LRMDA: variants seen among roughly 807,000 people sequenced by gnomAD.
The protein encoded by LRMDA is leucine-rich melanocyte differentiation-associated protein.
Under a neutral mutation model 29.8 loss-of-function variants are expected in LRMDA, and 18 were observed. That is an observed-to-expected ratio of 0.60 (90% CI 0.42 to 0.90). The LOEUF (loss-of-function observed/expected upper bound fraction) is 0.90, where lower values mean the gene tolerates loss of function less well. LRMDA is among the 40% of genes least tolerant of loss of function. LRMDA has a pLI of 0.00. For missense variants in LRMDA, 273 were observed against 273.9 expected (o/e 1.00, Z 0.02); for synonymous variants, 125 against 109.4 (o/e 1.14, Z -0.89).
intron 2 of LRMDA, among the ~76,000 whole-genome samples, chr10:75,457,850 C>T (rs1176179201): frequency 6.6e-6 from 1 of 152,168 alleles, no homozygotes; most frequent in Admixed American, 6.5e-5. Context: ...CTTTAAATCA[C>T]TAACACTACA....
chr10:76,097,862 G>A lies in LRMDA; in HGVS notation c.516+39079G>A, dbSNP rs181474163. Among the ~76,000 whole-genome samples the A allele has an allele frequency of 2.3e-3, 351 of 152,038 alleles. 1 individual carries two copies. Among genetic ancestry groups the A allele is most frequent in the African/African-American group, 8.0e-3 (334 of 41,496 alleles). On this transcript the variant is annotated intron_variant, in intron 5 of 6. Coordinates refer to ENST00000611255, the MANE Select transcript of LRMDA (RefSeq NM_001305581.2). The stretch of plus-strand genomic sequence containing the variant: ...TTTTAATTTTAAACTGATACTAATT[G>A]TACTTATTCATGTGATACTTTGTGA...
At chr10:75,736,820 C>A (rs1052282306) in intron 2 of LRMDA, among the ~76,000 whole-genome samples, 1 of 152,074 alleles carries the variant, frequency 6.6e-6, no homozygotes, top group Non-Finnish European at 1.5e-5. Flanking sequence ...AGCAAACCTC[C>A]CCCTTCAATA....
At chr10:76,011,916 A>T (rs891042603) in intron 2 of LRMDA, among the ~76,000 whole-genome samples, 3 of 152,170 alleles carry the variant, frequency 2.0e-5, no homozygotes, top group African/African-American at 7.2e-5. Context: ...AGGTGAGGGC[A>T]AGCCATGCTG....
chr10:76,321,017 GT>G (rs1489024262), intron 5 of LRMDA, among the ~76,000 whole-genome samples: 5 of 151,800 alleles, frequency 3.3e-5, no homozygotes, highest in African/African-American at 1.2e-4. Context: ...TAGAAATCAG[GT>G]TTTTTTCTCT....
intron 2 of LRMDA, among the ~76,000 whole-genome samples, chr10:75,801,033 C>A (rs992369934): frequency 6.6e-6 from 1 of 152,318 alleles, no homozygotes; most frequent in Non-Finnish European, 1.5e-5. Context: ...TGTCTTCCTT[C>A]AGGAGTTTTC....
At chr10:76,383,979 T>C (rs1484622707) in intron 6 of LRMDA, among the ~76,000 whole-genome samples, 1 of 152,028 alleles carries the variant, frequency 6.6e-6, no homozygotes, top group Non-Finnish European at 1.5e-5. Flanking sequence ...CTCTCTCTCT[T>C]CTCTTTCTCT....
At chr10:75,671,274 T>C (rs1841887840) in intron 2 of LRMDA, among the ~76,000 whole-genome samples, 1 of 152,202 alleles carries the variant, frequency 6.6e-6, no homozygotes, top group South Asian at 2.1e-4. Context: ...TAGGGATATT[T>C]TGGCCCTTAG....
intron 5 of LRMDA, among the ~76,000 whole-genome samples, chr10:76,315,036 G>A (rs1424431202): frequency 2.0e-5 from 3 of 152,164 alleles, no homozygotes; most frequent in Admixed American, 6.5e-5. Context: ...TGAACATCAA[G>A]TTCATTGTAC....
intron 3 of LRMDA, among the ~76,000 whole-genome samples, chr10:76,043,653 C>T (rs1245561476): frequency 6.6e-6 from 1 of 152,042 alleles, no homozygotes; most frequent in Non-Finnish European, 1.5e-5. Flanking sequence ...GACGCATGAG[C>T]TTTATTAGCT....
At chr10:75,637,150 T>G (rs546397214) in intron 2 of LRMDA, among the ~76,000 whole-genome samples, 1 of 152,334 alleles carries the variant, frequency 6.6e-6, no homozygotes, top group Non-Finnish European at 1.5e-5. Context: ...CTTGTAAGGT[T>G]AACTGATAGA....
At chr10:76,268,266 A>G (rs1384898599) in intron 5 of LRMDA, among the ~76,000 whole-genome samples, 1 of 152,208 alleles carries the variant, frequency 6.6e-6, no homozygotes, top group Non-Finnish European at 1.5e-5. Flanking sequence ...ATCTTGACAC[A>G]TAGTCCTCTG....
intron 2 of LRMDA, among the ~76,000 whole-genome samples, chr10:75,947,296 G>A (rs1448217303): frequency 6.6e-6 from 1 of 152,158 alleles, no homozygotes; most frequent in Non-Finnish European, 1.5e-5. Context: ...TGTTGATTTG[G>A]GGGATGAGTT....
chr10:75,978,091 A>T (rs1847105804), intron 2 of LRMDA, among the ~76,000 whole-genome samples: 1 of 152,164 alleles, frequency 6.6e-6, no homozygotes, highest in Non-Finnish European at 1.5e-5. Flanking sequence ...CCTCTCAGTG[A>T]GTTATTCCTG....
intron 6 of LRMDA, among the ~76,000 whole-genome samples, chr10:76,381,426 G>A (rs1841590974): frequency 6.6e-6 from 1 of 151,878 alleles, no homozygotes; most frequent in Admixed American, 6.6e-5. Context: ...AATTGGCTGG[G>A]GACTGAAACT....
At chr10:76,057,354 A>G (rs1007308157) in intron 4 of LRMDA, among the ~76,000 whole-genome samples, 4 of 152,244 alleles carry the variant, frequency 2.6e-5, no homozygotes, top group South Asian at 4.1e-4. Context: ...GGCCTGGCAC[A>G]TAGTAGGTGA....
chr10:76,144,180 T>C (rs1564665237), intron 5 of LRMDA, among the ~76,000 whole-genome samples: 1 of 152,218 alleles, frequency 6.6e-6, no homozygotes, highest in Non-Finnish European at 1.5e-5. Flanking sequence ...TGCGGGCTCT[T>C]TTTTGGTTCC....
At chr10:75,574,753 A>G (rs1379558613) in intron 2 of LRMDA, among the ~76,000 whole-genome samples, 1 of 152,186 alleles carries the variant, frequency 6.6e-6, no homozygotes, top group Admixed American at 6.5e-5. Context: ...ACCTGAGCCA[A>G]GGTTTCTTCC....
At chr10:75,661,488 C>T (rs1157670938) in intron 2 of LRMDA, among the ~76,000 whole-genome samples, 23 of 152,172 alleles carry the variant, frequency 1.5e-4, no homozygotes, top group Admixed American at 1.5e-3. Context: ...AATGCCAATG[C>T]TGCTGGTCCA....
At chr10:76,472,119 G>A (rs564968925) in intron 6 of LRMDA, among the ~76,000 whole-genome samples, 2 of 151,764 alleles carry the variant, frequency 1.3e-5, no homozygotes, top group Non-Finnish European at 3.0e-5. Flanking sequence ...ACATCAGAAT[G>A]CACACTCTTC....
Sources: gnomAD v4.1 joint callset for allele counts (sites outside exome capture counted in the v4.1 genomes callset) on GRCh38, gnomAD v4.1.1 for gene constraint, MANE v1.5 for transcripts, NCBI Gene and HGNC (gene_info 2026-07-23, HGNC 2026-07-21) for gene names.